Variants in CNOT2 observed in about 807,000 individuals in gnomAD.
CNOT2 encodes CC chemokine receptor 4-negative regulator of transcription 2.
A neutral mutation model predicts 72.1 loss-of-function variants in CNOT2; 7 were observed. The ratio of observed to expected loss-of-function variants is 0.10; its 90% confidence interval spans 0.06 to 0.18. CNOT2 has a LOEUF of 0.18. Ranked by LOEUF, CNOT2 falls within the 10% of genes least tolerant of loss-of-function variation. CNOT2 has a pLI of 1.00. For missense variants in CNOT2, 345 were observed against 660.3 expected, an observed-to-expected ratio of 0.52 and a Z score of 5.23; for synonymous variants, 196 against 225.6, an observed-to-expected ratio of 0.87 and a Z score of 1.17.
intron 15 of CNOT2, among the ~76,000 whole-genome samples, chr12:70,353,291 G>A (rs1311797222): frequency 2.6e-5 from 4 of 151,796 alleles, no homozygotes; most frequent in South Asian, 2.1e-4. Context: ...TGGTAAAGAT[G>A]GTCTTGATCT....
At chr12:70,333,581 A>T (rs547838089) in intron 7 of CNOT2, among the ~76,000 whole-genome samples, 2 of 152,110 alleles carry the variant, frequency 1.3e-5, no homozygotes, top group Admixed American at 6.6e-5. Context: ...AGAGGATTAA[A>T]TGTAAAGGAA....
chr12:70,268,760 C>A (rs747706074), intron 1 of CNOT2, among the ~76,000 whole-genome samples: 2 of 152,044 alleles, frequency 1.3e-5, no homozygotes, highest in South Asian at 4.2e-4. Context: ...CACACCTAGC[C>A]AGAAGTAAAA....
At chr12:70,254,792 C>T (rs1276647899) in intron 1 of CNOT2, among the ~76,000 whole-genome samples, 1 of 151,734 alleles carries the variant, frequency 6.6e-6, no homozygotes, top group Non-Finnish European at 1.5e-5. Flanking sequence ...ATCAGCCTGG[C>T]CAACATGGAA....
intron 1 of CNOT2, among the ~76,000 whole-genome samples, chr12:70,267,204 T>G (rs1959093763): frequency 6.6e-6 from 1 of 152,118 alleles, no homozygotes; most frequent in Non-Finnish European, 1.5e-5. Flanking sequence ...TACCAGAAAT[T>G]TATTCTTTCA....
intron 11 of CNOT2, among the ~76,000 whole-genome samples, chr12:70,340,037 C>T (rs926234190): frequency 3.3e-5 from 5 of 152,286 alleles, no homozygotes; most frequent in East Asian, 1.9e-4. Flanking sequence ...CAACCTCCTC[C>T]GTAAGTTACT....
At chr12:70,301,906 T>G (rs992291208) in intron 2 of CNOT2, 15 of 152,210 alleles carry the variant, frequency 9.9e-5, no homozygotes, top group African/African-American at 3.6e-4. Context: ...AGCCTGTTAT[T>G]GGTCTATTCA....
intron 3 of CNOT2, chr12:70,319,039 C>T (rs1291040820): frequency 7.0e-6 from 2 of 286,412 alleles, no homozygotes; most frequent in Non-Finnish European, 1.3e-5. Flanking sequence ...AGTAGTGCTG[C>T]TGTAACTCAA....
intron 2 of CNOT2, chr12:70,294,082 C>A: frequency 1.6e-6 from 2 of 1,274,004 alleles, no homozygotes; most frequent in Non-Finnish European, 2.1e-6. Context: ...GCGGAAGAAT[C>A]CCATCGTTTA....
At chr12:70,319,219 G>C in intron 3 of CNOT2, 79 bp from the exon 4 acceptor site, 1 of 1,140,412 alleles carries the variant, frequency 8.8e-7, no homozygotes. Flanking sequence ...TTTATGGTAT[G>C]ATTTACAGAT....
intron 2 of CNOT2, chr12:70,293,937 TTTTA>T: frequency 2.3e-5 from 5 of 213,408 alleles, no homozygotes; most frequent in South Asian, 5.8e-5. Flanking sequence ...TTTTTTTTTT[TTTTA>T]AACTTAGTAC....
At chr12:70,281,034 C>T (rs1438286792) in intron 2 of CNOT2, among the ~76,000 whole-genome samples, 2 of 151,910 alleles carry the variant, frequency 1.3e-5, no homozygotes, top group Non-Finnish European at 2.9e-5. Flanking sequence ...CATGCACATG[C>T]ACAAATGTAA....
intron 15 of CNOT2, among the ~76,000 whole-genome samples, chr12:70,352,202 G>T (rs1260615749): frequency 6.6e-6 from 1 of 152,094 alleles, no homozygotes; most frequent in Non-Finnish European, 1.5e-5. Context: ...TTTGTCACAT[G>T]GAGGCTTTTT....
Position 70,337,377 on chromosome 12 carries a change from T to G in CNOT2, c.776-12T>G, listed in dbSNP as rs1369819861. On this transcript the variant is annotated splice_polypyrimidine_tract_variant and intron_variant, in intron 8 of 15. Coordinates refer to ENST00000229195, the MANE Select transcript of CNOT2 (RefSeq NM_014515.7). Reference sequence around the variant, plus strand: ...ATCAATTGCAATTCTCCGGATTATTTTCATTACATAGTTGGAATGGTAACA... The same window carrying G: ...ATCAATTGCAATTCTCCGGATTATTGTCATTACATAGTTGGAATGGTAACA... 6.2e-7 allele frequency: 1 copy of G among 1,600,262 alleles called. No individual in the cohort carries two copies. The highest frequency in any genetic ancestry group is 1.3e-5 in the African/African-American group (1 of 74,558).
At chr12:70,292,768 A>T (rs1476564060) in intron 2 of CNOT2, among the ~76,000 whole-genome samples, 1 of 152,200 alleles carries the variant, frequency 6.6e-6, no homozygotes. Flanking sequence ...AAGGGGATAA[A>T]GTGTATAAGT....
At chr12:70,319,214 G>A (rs941163962) in intron 3 of CNOT2, 84 bp from the exon 4 acceptor site, 17 of 1,067,088 alleles carry the variant, frequency 1.6e-5, no homozygotes, top group African/African-American at 7.9e-5. Flanking sequence ...TCACATTTAT[G>A]GTATGATTTA....
At chr12:70,287,010 A>G (rs991857183) in intron 2 of CNOT2, among the ~76,000 whole-genome samples, 1 of 151,954 alleles carries the variant, frequency 6.6e-6, no homozygotes, top group African/African-American at 2.4e-5. Flanking sequence ...TTGTATCTCA[A>G]TGTTGCTAAA....
intron 4 of CNOT2, among the ~76,000 whole-genome samples, chr12:70,320,433 T>C (rs1183659719): frequency 6.6e-6 from 1 of 151,786 alleles, no homozygotes; most frequent in Non-Finnish European, 1.5e-5. Context: ...GTGGCTTTTC[T>C]CTTTTTTGCT....
At chr12:70,327,331 C>CA (rs1565815663) in intron 4 of CNOT2, among the ~76,000 whole-genome samples, 1 of 151,732 alleles carries the variant, frequency 6.6e-6, no homozygotes. Context: ...GAAACATATT[C>CA]AAAAGGGAAA....
chr12:70,297,057 G>C (rs1339192869), intron 2 of CNOT2, among the ~76,000 whole-genome samples: 1 of 152,166 alleles, frequency 6.6e-6, no homozygotes, highest in Non-Finnish European at 1.5e-5. Flanking sequence ...ATTGGTTTCA[G>C]ATGTTAATTG....
Sources: allele counts gnomAD v4.1 joint callset (sites outside exome capture counted in the v4.1 genomes callset), GRCh38; gene constraint gnomAD v4.1.1; transcripts MANE v1.5; gene names NCBI Gene and HGNC (gene_info 2026-07-23, HGNC 2026-07-21).